The following DENND1A variants were observed in gnomAD, a reference collection of about 807,000 sequenced individuals.
The protein encoded by DENND1A is DENN domain-containing protein 1A.
Under a neutral mutation model 113.7 loss-of-function variants are expected in DENND1A, and 51 were observed. The ratio of observed to expected loss-of-function variants is 0.45; its 90% confidence interval spans 0.36 to 0.57. DENND1A has a LOEUF of 0.57. Among genes scored for constraint, DENND1A ranks in the 20% least tolerant of loss-of-function variants. The pLI is 0.00. For synonymous variants in DENND1A, 565 were observed against 570.8 expected, an observed-to-expected ratio of 0.99 and a Z score of 0.14; for missense variants, 1,258 against 1,395.9, an observed-to-expected ratio of 0.90 and a Z score of 1.57.
At chr9:123,851,067 A>C (rs905211020) in intron 2 of DENND1A, among the ~76,000 whole-genome samples, 15 of 152,176 alleles carry the variant, frequency 9.9e-5, no homozygotes, top group Admixed American at 9.8e-4. Flanking sequence ...AAACACAAGC[A>C]TGGAAGTGTA....
chr9:123,537,291 C>G (rs982842893), intron 13 of DENND1A, among the ~76,000 whole-genome samples: 5 of 151,630 alleles, frequency 3.3e-5, no homozygotes, highest in African/African-American at 1.2e-4. Context: ...AATATAAGAA[C>G]AAATCAACTC....
At chr9:123,790,341 A>G (rs1301289497) in intron 3 of DENND1A, among the ~76,000 whole-genome samples, 1 of 152,142 alleles carries the variant, frequency 6.6e-6, no homozygotes, top group East Asian at 1.9e-4. Context: ...AATGTCTACA[A>G]AACAAAGTAG....
In DENND1A at chr9:123,573,915, C is replaced by T. The variant is rs375651977; in HGVS notation, c.867+9254G>A. 1.0e-3 allele frequency among the ~76,000 whole-genome samples: 155 copies of T among 152,030 alleles called. 2 individuals are homozygous for T. The highest frequency in any genetic ancestry group is 3.6e-3 in the African/African-American group (151 of 41,500). Reference sequence around the variant, plus strand: ...TAGGTCTTTTCTAGATGCTCTCTATCACAGTGAGAATACTTCATTTTCTAG... The same window carrying T: ...TAGGTCTTTTCTAGATGCTCTCTATTACAGTGAGAATACTTCATTTTCTAG... On this transcript the variant is annotated intron_variant, in intron 12 of 23. Coordinates refer to ENST00000394215, the MANE Select transcript of DENND1A (RefSeq NM_001352964.2).
intron 21 of DENND1A, chr9:123,401,618 C>T: frequency 1.4e-6 from 2 of 1,434,518 alleles, no homozygotes; most frequent in South Asian, 1.5e-5. Context: ...TATTTCAACC[C>T]CAAATATTTT....
intron 13 of DENND1A, among the ~76,000 whole-genome samples, chr9:123,546,439 C>G (rs181545610): frequency 6.6e-6 from 1 of 151,946 alleles, no homozygotes; most frequent in East Asian, 1.9e-4. Flanking sequence ...GTAGTCCCAG[C>G]TACTTGGGAG....
rs562890468 is a variant in DENND1A, at chr9:123,406,622, C to T, written c.1543-3132G>A. On this transcript the variant is annotated intron_variant, in intron 20 of 23. Transcript: ENST00000394215. ...GCTGCGAGTATCATCGTGATTAGAGCTGGGCCTGCCACACAGCTCACATTC... is the reference window on the plus strand; with the variant it reads ...GCTGCGAGTATCATCGTGATTAGAGTTGGGCCTGCCACACAGCTCACATTC... 1.5e-3 allele frequency among the ~76,000 whole-genome samples: 223 copies of T among 152,334 alleles called. 1 individual carries two copies. Among genetic ancestry groups the T allele is most frequent in the African/African-American group, 4.7e-3 (195 of 41,566 alleles).
intron 2 of DENND1A, among the ~76,000 whole-genome samples, chr9:123,818,024 T>A (rs950551442): frequency 1.4e-5 from 2 of 147,332 alleles, no homozygotes; most frequent in Non-Finnish European, 3.0e-5. Context: ...GAGACTCCGT[T>A]AAAAAAAAAA....
At chr9:123,799,944 C>G (rs778548820) in intron 2 of DENND1A, among the ~76,000 whole-genome samples, 3 of 152,194 alleles carry the variant, frequency 2.0e-5, no homozygotes, top group Non-Finnish European at 4.4e-5. Flanking sequence ...TAAGCAAGCA[C>G]TATAAATTCA....
chr9:123,552,575 T>C (rs2057159776), intron 13 of DENND1A, among the ~76,000 whole-genome samples: 1 of 152,206 alleles, frequency 6.6e-6, no homozygotes, highest in South Asian at 2.1e-4. Flanking sequence ...GGACCCTGCA[T>C]GGTGGGCACT....
At chr9:123,863,677 T>C (rs987245256) in intron 2 of DENND1A, among the ~76,000 whole-genome samples, 1 of 152,130 alleles carries the variant, frequency 6.6e-6, no homozygotes, top group African/African-American at 2.4e-5. Flanking sequence ...TTATGCTGCC[T>C]TCGCAAACTG....
chr9:123,823,668 T>C (rs1395832526), intron 2 of DENND1A, among the ~76,000 whole-genome samples: 1 of 151,958 alleles, frequency 6.6e-6, no homozygotes, highest in Non-Finnish European at 1.5e-5. Flanking sequence ...TTAGGCAAAA[T>C]GAAATATAAG....
chr9:123,717,145 T>C (rs1358799032), intron 5 of DENND1A, among the ~76,000 whole-genome samples: 2 of 152,176 alleles, frequency 1.3e-5, no homozygotes, highest in South Asian at 2.1e-4. Context: ...ACCCAGATAC[T>C]ACTATCAGAT....
chr9:123,768,470 T>C (rs1564231948), intron 4 of DENND1A, among the ~76,000 whole-genome samples: 1 of 152,218 alleles, frequency 6.6e-6, no homozygotes, highest in Admixed American at 6.5e-5. Flanking sequence ...TTTGCCTTGT[T>C]TGGGTACACT....
At chr9:123,856,382 G>T (rs903991581) in intron 2 of DENND1A, among the ~76,000 whole-genome samples, 3 of 152,098 alleles carry the variant, frequency 2.0e-5, no homozygotes, top group Non-Finnish European at 4.4e-5. Flanking sequence ...TGTGACAAGG[G>T]TGCCCACAGA....
At chr9:123,750,994 C>T (rs772403973) in intron 5 of DENND1A, among the ~76,000 whole-genome samples, 1 of 152,174 alleles carries the variant, frequency 6.6e-6, no homozygotes, top group African/African-American at 2.4e-5. Context: ...CTCCCTCCCC[C>T]ACCTCCCAAA....
chr9:123,382,136 C>T lies in DENND1A; in HGVS notation c.2509G>A (p.Gly837Ser). The change falls in exon 24 of 24, where the codon GGC becomes AGC. Residue 837 changes from glycine to serine, a missense_variant. Physicochemically the swap from Gly to Ser is moderately conservative, Grantham distance 56. Transcript: ENST00000394215. ...QPLSPGPGAA[G>S]TSSDALLALL... ...GCGAGCAGGGCGTCACTGCTCGTGC[C>T]TGCAGCCCCGGGGCCAGGGCTGAGC... 7 of 1,594,176 alleles carry T rather than the reference C, an allele frequency of 4.4e-6. No homozygotes were observed. The highest frequency in any genetic ancestry group is 6.0e-6 in the Non-Finnish European group (7 of 1,170,764).
In DENND1A at chr9:123,440,386, G is replaced by A. The variant is rs1469596411; in HGVS notation, c.1462C>T (p.Arg488Trp). The A allele has an allele frequency of 6.9e-6, 11 of 1,601,144 alleles. No individual in the cohort carries two copies. Among genetic ancestry groups the A allele is most frequent in the East Asian group, 2.3e-5 (1 of 43,824 alleles). ...AKDPKLREDR[R>W]PITVHFGQLQ... Reference sequence around the variant, plus strand: ...TGTCCAAAGTGGACTGTGATTGGCCGCCGGTCTTCTCGGAGCTTGGGGTCC... The same window carrying A: ...TGTCCAAAGTGGACTGTGATTGGCCACCGGTCTTCTCGGAGCTTGGGGTCC... Residue 488 changes from arginine to tryptophan, a missense_variant, in exon 19 of 24, where the codon CGG (arginine) becomes TGG (tryptophan). This residue lies in a region of DENND1A where 1,159 missense variants were observed against 1,231.7 expected (regional missense o/e 0.94). Transcript: ENST00000394215.
intron 3 of DENND1A, among the ~76,000 whole-genome samples, chr9:123,779,536 G>A (rs1429625828): frequency 6.6e-6 from 1 of 152,166 alleles, no homozygotes; most frequent in Non-Finnish European, 1.5e-5. Context: ...GTCTCACTGT[G>A]TTGCCCATGC....
At chr9:123,432,944 T>C (rs1257087568) in intron 19 of DENND1A, among the ~76,000 whole-genome samples, 4 of 152,148 alleles carry the variant, frequency 2.6e-5, no homozygotes, top group African/African-American at 7.2e-5. Flanking sequence ...TCAGTTGCCA[T>C]GTGTGCATGC....
Sources: allele counts gnomAD v4.1 joint callset (sites outside exome capture counted in the v4.1 genomes callset), GRCh38; gene constraint gnomAD v4.1.1; regional missense constraint gnomAD v4.1.1; transcripts MANE v1.5; gene names NCBI Gene and HGNC (gene_info 2026-07-23, HGNC 2026-07-21).